IREB2: variants seen among roughly 807,000 people sequenced by gnomAD.
IREB2 encodes the protein iron-responsive element-binding protein 2.
Under a neutral mutation model 118.8 loss-of-function variants are expected in IREB2, and 39 were observed. The ratio of observed to expected loss-of-function variants is 0.33; its 90% confidence interval spans 0.25 to 0.43. IREB2 has a LOEUF of 0.43. Ranked by LOEUF, IREB2 falls within the 20% of genes least tolerant of loss-of-function variation. The probability of loss-of-function intolerance (pLI) is 1.00; values close to 1 mark genes in which losing one functional copy is unlikely to be tolerated. For synonymous variants in IREB2, 372 were observed against 392.2 expected (o/e 0.95, Z 0.61); for missense variants, 900 against 1,147.3 (o/e 0.78, Z 3.11).
intron 5 of IREB2, among the ~76,000 whole-genome samples, chr15:78,467,078 C>T (rs1345408135): frequency 1.3e-5 from 2 of 151,718 alleles, no homozygotes; most frequent in African/African-American, 2.4e-5. Context: ...GGTGTGGTGT[C>T]GCGCCCCTGT....
At chr15:78,455,148 A>G (rs1274880246) in intron 2 of IREB2, among the ~76,000 whole-genome samples, 1 of 152,186 alleles carries the variant, frequency 6.6e-6, no homozygotes, top group Non-Finnish European at 1.5e-5. Context: ...GGTTTGGGGA[A>G]GTGAGAGATT....
chr15:78,484,873 T>C lies in IREB2; in HGVS notation c.1526T>C (p.Val509Ala). 1 of 1,613,824 alleles carries C rather than the reference T, an allele frequency of 6.2e-7. No homozygotes were observed. Residue 509 changes from valine to alanine, a missense_variant, in exon 12 of 22, where the codon GTT becomes GCT. Val to Ala is a moderately conservative substitution (Grantham distance 64, BLOSUM62 0). Transcript: ENST00000258886. ...CATGGATCAGTGGTCATTGCTGCAG[T>C]TATCAGTTGTACCAATAATTGCAAT... ...LSHGSVVIAA[V>A]ISCTNNCNPS...
chr15:78,489,951 A>G (rs1041564470), intron 16 of IREB2, among the ~76,000 whole-genome samples: 1 of 152,234 alleles, frequency 6.6e-6, no homozygotes, highest in African/African-American at 2.4e-5. Flanking sequence ...CTCTGTAGCA[A>G]CATATAGAAA....
intron 18 of IREB2, among the ~76,000 whole-genome samples, chr15:78,492,210 C>T (rs2051762684): frequency 6.6e-6 from 1 of 152,078 alleles, no homozygotes; most frequent in South Asian, 2.1e-4. Flanking sequence ...TTATTTTTCC[C>T]TAAAAAGTTA....
chr15:78,468,501 C>T (rs1057464569), intron 5 of IREB2, among the ~76,000 whole-genome samples: 2 of 150,480 alleles, frequency 1.3e-5, no homozygotes, highest in African/African-American at 4.9e-5. Flanking sequence ...ACCTTGGCCT[C>T]GCAAAGTGCT....
intron 20 of IREB2, among the ~76,000 whole-genome samples, chr15:78,494,835 G>A (rs2051813631): frequency 6.6e-6 from 1 of 152,148 alleles, no homozygotes. Flanking sequence ...GGCCTCCCAG[G>A]GTGCTGGGAT....
intron 3 of IREB2, among the ~76,000 whole-genome samples, chr15:78,464,476 A>C (rs558607684): frequency 6.6e-6 from 1 of 152,230 alleles, no homozygotes; most frequent in African/African-American, 2.4e-5. Context: ...ACATAGCCGC[A>C]TAAGAAATAA....
chr15:78,494,406 T>C (rs2141529948), intron 20 of IREB2, 142 bp downstream of exon 20: 2 of 815,140 alleles, frequency 2.5e-6, no homozygotes, highest in South Asian at 1.8e-5. Flanking sequence ...TTTGTTTGTT[T>C]ATTTCAGTGA....
chr15:78,440,507 A>G (rs2050828892), intron 2 of IREB2, among the ~76,000 whole-genome samples: 1 of 152,062 alleles, frequency 6.6e-6, no homozygotes, highest in Non-Finnish European at 1.5e-5. Flanking sequence ...CTACAGGTGT[A>G]TGCCAACACA....
chr15:78,460,701 C>T (rs998489009), intron 2 of IREB2, among the ~76,000 whole-genome samples: 2 of 152,060 alleles, frequency 1.3e-5, no homozygotes, highest in Non-Finnish European at 2.9e-5. Flanking sequence ...GGTTGTTATT[C>T]TAGGCATTTT....
intron 9 of IREB2, 46 bp from the exon 10 acceptor site, chr15:78,478,251 A>G (rs2051506491): frequency 8.0e-7 from 1 of 1,252,964 alleles, no homozygotes; most frequent in East Asian, 2.3e-5. Flanking sequence ...TAATAACTAA[A>G]TAAATTTCTC....
At chr15:78,447,018 T>G (rs908203687) in intron 2 of IREB2, among the ~76,000 whole-genome samples, 3 of 151,574 alleles carry the variant, frequency 2.0e-5, no homozygotes, top group Non-Finnish European at 1.5e-5. Context: ...AATTGGGGGG[T>G]TTATTGTGAA....
chr15:78,459,607 C>T (rs1330362459), intron 2 of IREB2, among the ~76,000 whole-genome samples: 1 of 152,162 alleles, frequency 6.6e-6, no homozygotes, highest in African/African-American at 2.4e-5. Flanking sequence ...ACGTCGGCCT[C>T]CCAAAATTTT....
Position 78,494,136 on chromosome 15 carries a change from C to T in IREB2, c.2473-6C>T, listed in dbSNP as rs1404267507. On this transcript the variant is annotated splice_region_variant and splice_polypyrimidine_tract_variant and intron_variant, in intron 19 of 21. Transcript: ENST00000258886. Reference sequence around the variant, plus strand: ...TAAAAAATTTTGTGTTTGTTTTAATCTACAGCTAGATGTATTTGAGGCTGC... The same window carrying T: ...TAAAAAATTTTGTGTTTGTTTTAATTTACAGCTAGATGTATTTGAGGCTGC... The T allele has an allele frequency of 1.2e-6, 2 of 1,613,030 alleles. No individual in the cohort carries two copies. Among genetic ancestry groups the T allele is most frequent in the East Asian group, 2.2e-5 (1 of 44,868 alleles).
At chr15:78,456,534 G>A (rs2051108304) in intron 2 of IREB2, among the ~76,000 whole-genome samples, 1 of 151,732 alleles carries the variant, frequency 6.6e-6, no homozygotes, top group Non-Finnish European at 1.5e-5. Context: ...GGGCATAGTG[G>A]TATACGCCTG....
chr15:78,477,798 A>G (rs1004018731), intron 9 of IREB2, among the ~76,000 whole-genome samples: 2 of 152,084 alleles, frequency 1.3e-5, no homozygotes, highest in Non-Finnish European at 2.9e-5. Flanking sequence ...GTACAGACTT[A>G]TAGTCCTAGC....
rs1026340376 is a variant in IREB2 at position 78,501,206 on chromosome 15, A to G, written c.*3063A>G. 8 of 152,368 alleles carry G rather than the reference A, an allele frequency of 5.3e-5. No homozygotes were observed. The highest frequency in any genetic ancestry group is 1.9e-4 in the African/African-American group (8 of 41,442). 9.4% of individuals were successfully genotyped at this position (152,368 alleles called of 1,614,324 possible). A position where few individuals can be genotyped will look rare whatever the true frequency, so the allele number is the denominator to read the frequency against. On this transcript the variant is annotated 3_prime_UTR_variant, in exon 22 of 22. Coordinates refer to ENST00000258886, the MANE Select transcript of IREB2 (RefSeq NM_004136.4). Reference sequence around the variant, plus strand: ...TTGCTGACGTTTCTATCAATTTTACACATAATATGTGGCTATGAAACCATA... The same window carrying G: ...TTGCTGACGTTTCTATCAATTTTACGCATAATATGTGGCTATGAAACCATA...
At chr15:78,444,406 G>C (rs1172958679) in intron 2 of IREB2, among the ~76,000 whole-genome samples, 2 of 152,148 alleles carry the variant, frequency 1.3e-5, no homozygotes, top group African/African-American at 2.4e-5. Context: ...TTTTGAGAGA[G>C]TACCTGTTAC....
chr15:78,466,560 T>TC (rs11372841), intron 5 of IREB2, 71 bp downstream of exon 5: 1,026,485 of 1,033,622 alleles, frequency 0.99, 510,034 homozygotes, highest in East Asian at 1. Context: ...AAATTTATTC[T>TC]CTTCCCACCC....
Sources: gnomAD v4.1 joint callset for allele counts (sites outside exome capture counted in the v4.1 genomes callset) on GRCh38, gnomAD v4.1.1 for gene constraint, MANE v1.5 for transcripts, NCBI Gene and HGNC (gene_info 2026-07-23, HGNC 2026-07-21) for gene names.